Variants in NTRK2 observed in about 807,000 individuals in gnomAD.
NTRK2 encodes neurotrophic receptor tyrosine kinase 2.
NTRK2 carries 13 observed loss-of-function variants against 94.5 expected under a neutral mutation model. The observed-to-expected ratio is 0.14, with a 90% CI of 0.09 to 0.22. The LOEUF (loss-of-function observed/expected upper bound fraction) is 0.22. Among genes scored for constraint, NTRK2 ranks in the 10% least tolerant of loss-of-function variants. The pLI is 1.00. For missense variants in NTRK2, 639 were observed against 1,071.2 expected (o/e 0.60, Z 5.63); for synonymous variants, 372 against 407.4 (o/e 0.91, Z 1.05).
At chr9:84,906,198 G>C (rs1477360922) in intron 14 of NTRK2, among the ~76,000 whole-genome samples, 1 of 152,098 alleles carries the variant, frequency 6.6e-6, no homozygotes, top group Non-Finnish European at 1.5e-5. Context: ...AAAAATAAGA[G>C]AAAACACCAA....
At chr9:84,927,320 TTTTC>T (rs2077856324) in intron 14 of NTRK2, among the ~76,000 whole-genome samples, 1 of 152,230 alleles carries the variant, frequency 6.6e-6, no homozygotes, top group Non-Finnish European at 1.5e-5. Flanking sequence ...CAGTTTTTGT[TTTTC>T]TTTGTGTCAT....
intron 16 of NTRK2, among the ~76,000 whole-genome samples, chr9:84,952,474 T>A (rs564162309): frequency 6.6e-6 from 1 of 152,356 alleles, no homozygotes; most frequent in South Asian, 2.1e-4. Context: ...TCTTAAGGAA[T>A]GTCTTCCTGG....
At chr9:84,702,555 A>AAAATCAGAGCTAATG in intron 4 of NTRK2, 136 bp downstream of exon 4, 1 of 785,190 alleles carries the variant, frequency 1.3e-6, no homozygotes, top group Non-Finnish European at 2.2e-6. Flanking sequence ...GCTTAGAAAC[A>AAAATCAGAGCTAATG]TTAGCTCTGA....
At chr9:84,972,621 T>G (rs534406490) in intron 17 of NTRK2, among the ~76,000 whole-genome samples, 1 of 152,318 alleles carries the variant, frequency 6.6e-6, no homozygotes, top group Non-Finnish European at 1.5e-5. Context: ...TGGAAAAACT[T>G]TGATGTGTTT....
chr9:84,789,546 G>A (rs2068507097), intron 12 of NTRK2, among the ~76,000 whole-genome samples: 1 of 152,188 alleles, frequency 6.6e-6, no homozygotes, highest in Non-Finnish European at 1.5e-5. Flanking sequence ...GGGAGTCCAA[G>A]GCTGCCTAGG....
intron 6 of NTRK2, among the ~76,000 whole-genome samples, chr9:84,711,685 C>T (rs2061426790): frequency 6.6e-6 from 1 of 152,172 alleles, no homozygotes; most frequent in Non-Finnish European, 1.5e-5. Context: ...ACAACCGATT[C>T]TTTGTTTTCG....
intron 2 of NTRK2, among the ~76,000 whole-genome samples, chr9:84,691,729 G>A (rs1175077130): frequency 6.6e-6 from 1 of 152,124 alleles, no homozygotes; most frequent in Non-Finnish European, 1.5e-5. Flanking sequence ...TTAGACAAAT[G>A]CTTGATTGAA....
chr9:84,723,911 C>G (rs568927605), intron 7 of NTRK2, among the ~76,000 whole-genome samples: 2 of 152,220 alleles, frequency 1.3e-5, no homozygotes, highest in South Asian at 4.2e-4. Flanking sequence ...TTATGCATAC[C>G]TAAGAGAGCG....
intron 6 of NTRK2, among the ~76,000 whole-genome samples, chr9:84,717,737 CA>C (rs1485762719): frequency 1.3e-5 from 2 of 152,276 alleles, no homozygotes; most frequent in South Asian, 4.1e-4. Flanking sequence ...TTACTATCAT[CA>C]ACAAGAATAG....
chr9:84,827,193 GA>G (rs964328585), intron 12 of NTRK2, among the ~76,000 whole-genome samples: 1 of 152,154 alleles, frequency 6.6e-6, no homozygotes, highest in African/African-American at 2.4e-5. Context: ...CTTAACTAAA[GA>G]AAAAAACTTA....
intron 12 of NTRK2, among the ~76,000 whole-genome samples, chr9:84,820,025 TTTA>T (rs2072684910): frequency 6.6e-6 from 1 of 152,164 alleles, no homozygotes; most frequent in Non-Finnish European, 1.5e-5. Context: ...CCAGTAAATA[TTTA>T]TTAAGTGTCA....
At chr9:84,836,694 A>G (rs1345967495) in intron 12 of NTRK2, among the ~76,000 whole-genome samples, 2 of 148,528 alleles carry the variant, frequency 1.3e-5, no homozygotes, top group Admixed American at 1.4e-4. Context: ...GGAAATGCTC[A>G]CTATGGTTCA....
intron 14 of NTRK2, chr9:84,873,672 A>T: frequency 9.5e-7 from 1 of 1,055,760 alleles, no homozygotes; most frequent in Non-Finnish European, 1.1e-6. Flanking sequence ...CCATGTTATT[A>T]TAAGCCGCAC....
At chr9:84,959,002 G>T (rs1824529971) in intron 17 of NTRK2, among the ~76,000 whole-genome samples, 1 of 152,082 alleles carries the variant, frequency 6.6e-6, no homozygotes, top group African/African-American at 2.4e-5. Context: ...TCCACCTATT[G>T]GGTCACTTGA....
intron 6 of NTRK2, among the ~76,000 whole-genome samples, chr9:84,719,667 A>G (rs954912139): frequency 6.6e-6 from 1 of 152,078 alleles, no homozygotes; most frequent in African/African-American, 2.4e-5. Flanking sequence ...AAGCACCATG[A>G]CGGGCCTTGA....
At chr9:84,857,188 TC>T (rs1476387582) in intron 12 of NTRK2, among the ~76,000 whole-genome samples, 2 of 152,188 alleles carry the variant, frequency 1.3e-5, no homozygotes. Flanking sequence ...TTTCCTACAT[TC>T]CTTCTCTCCG....
At chr9:84,883,351 T>C (rs1474540971) in intron 14 of NTRK2, among the ~76,000 whole-genome samples, 1 of 152,188 alleles carries the variant, frequency 6.6e-6, no homozygotes, top group Non-Finnish European at 1.5e-5. Flanking sequence ...TTCCCAGCTT[T>C]GCTGATACAT....
At chr9:84,951,840 C>A (rs2132932749) in intron 16 of NTRK2, among the ~76,000 whole-genome samples, 1 of 152,262 alleles carries the variant, frequency 6.6e-6, no homozygotes. Context: ...ATGAAAAGTC[C>A]CCAGCTGTAT....
chr9:84,671,306 T>C (rs2058684814), intron 2 of NTRK2, among the ~76,000 whole-genome samples: 1 of 152,250 alleles, frequency 6.6e-6, no homozygotes, highest in Non-Finnish European at 1.5e-5. Context: ...GGCATTTTTG[T>C]TTCATAAAGT....
Sources: allele counts gnomAD v4.1 joint callset (sites outside exome capture counted in the v4.1 genomes callset), GRCh38; gene constraint gnomAD v4.1.1; transcripts MANE v1.5; gene names NCBI Gene and HGNC (gene_info 2026-07-23, HGNC 2026-07-21).